Variants in THSD7B observed in about 807,000 individuals in gnomAD.
THSD7B encodes thrombospondin type-1 domain-containing protein 7B.
Under a neutral mutation model 213.6 loss-of-function variants are expected in THSD7B, and 138 were observed. That is an observed-to-expected ratio of 0.65 (90% CI 0.56 to 0.74). The LOEUF (loss-of-function observed/expected upper bound fraction) is 0.74. Ranked by LOEUF, THSD7B falls within the 30% of genes least tolerant of loss-of-function variation. The pLI is 0.00. For synonymous variants in THSD7B, 742 were observed against 687.0 expected (o/e 1.08, Z -1.25); for missense variants, 1,931 against 1,991.5 (o/e 0.97, Z 0.58).
intron 2 of THSD7B, among the ~76,000 whole-genome samples, chr2:137,049,484 G>C (rs1316784467): frequency 6.6e-6 from 1 of 152,106 alleles, no homozygotes; most frequent in Non-Finnish European, 1.5e-5. Flanking sequence ...ATTTCAATAA[G>C]GCACATATGG....
In THSD7B at chr2:136,987,969, T is replaced by C. The variant is rs139739731; in HGVS notation, c.140-68451T>C. ...AAACTGAAGGTCAGGGAAAATCAGC[T>C]GATGAAGTCCAAATGTTTATTTTTA... is the stretch of plus-strand genomic sequence containing the variant. On this transcript the variant is annotated intron_variant, in intron 2 of 27. Coordinates refer to ENST00000409968, the MANE Select transcript of THSD7B (RefSeq NM_001316349.2). Among the ~76,000 whole-genome samples, 74 of 152,352 alleles carry C rather than the reference T, an allele frequency of 4.9e-4. 1 individual carries two copies. The East Asian group carries it at 0.013, about 28-fold the overall frequency.
At chr2:137,311,024 T>A (rs1039780635) in intron 12 of THSD7B, among the ~76,000 whole-genome samples, 5 of 150,726 alleles carry the variant, frequency 3.3e-5, no homozygotes, top group African/African-American at 1.2e-4. Flanking sequence ...TAAAGTATTT[T>A]TTTCCAATTC....
At chr2:137,167,769 T>C (rs1438916972) in intron 6 of THSD7B, among the ~76,000 whole-genome samples, 3 of 152,210 alleles carry the variant, frequency 2.0e-5, no homozygotes, top group Non-Finnish European at 4.4e-5. Context: ...GAATCTGTGG[T>C]CAGGAAATGT....
chr2:137,461,179 A>G (rs1366905672), intron 15 of THSD7B, among the ~76,000 whole-genome samples: 1 of 152,048 alleles, frequency 6.6e-6, no homozygotes, highest in Non-Finnish European at 1.5e-5. Context: ...CCATTCTTGT[A>G]TAAGTCTTTT....
At chr2:136,798,924 C>T (rs1018001630) in intron 1 of THSD7B, among the ~76,000 whole-genome samples, 2 of 152,006 alleles carry the variant, frequency 1.3e-5, no homozygotes, top group Non-Finnish European at 2.9e-5. Flanking sequence ...CTAACTTCCT[C>T]TAGGCCTTGC....
intron 2 of THSD7B, among the ~76,000 whole-genome samples, chr2:136,970,759 T>A (rs1490480262): frequency 6.6e-6 from 1 of 152,136 alleles, no homozygotes; most frequent in East Asian, 1.9e-4. Context: ...ATTTACAGAA[T>A]ACCAGACATA....
intron 15 of THSD7B, among the ~76,000 whole-genome samples, chr2:137,539,397 C>T (rs2105190129): frequency 6.6e-6 from 1 of 151,726 alleles, no homozygotes; most frequent in South Asian, 2.1e-4. Context: ...ACCTATTCTG[C>T]CTTATGCTGT....
chr2:137,275,538 G>GTT (rs1051644970), intron 11 of THSD7B, among the ~76,000 whole-genome samples: 1 of 136,148 alleles, frequency 7.3e-6, no homozygotes, highest in Non-Finnish European at 1.6e-5. Flanking sequence ...TTCTTGTATT[G>GTT]TTTTTTTTTT....
intron 5 of THSD7B, among the ~76,000 whole-genome samples, chr2:137,158,894 C>T (rs1377268966): frequency 6.6e-6 from 1 of 152,090 alleles, no homozygotes; most frequent in Non-Finnish European, 1.5e-5. Flanking sequence ...GACAATAGTA[C>T]AAACTAGTGT....
intron 12 of THSD7B, among the ~76,000 whole-genome samples, chr2:137,315,542 G>A (rs10427283): frequency 0.055 from 8,419 of 151,774 alleles, 313 homozygotes; most frequent in East Asian, 0.1. Context: ...CCCACTATAT[G>A]TATATATAAT....
intron 3 of THSD7B, among the ~76,000 whole-genome samples, chr2:137,089,348 A>G (rs1018737205): frequency 1.4e-5 from 2 of 146,774 alleles, no homozygotes; most frequent in Admixed American, 7.0e-5. Context: ...GTATATATAC[A>G]TATATGTGTG....
intron 5 of THSD7B, among the ~76,000 whole-genome samples, chr2:137,137,257 G>T (rs1476142311): frequency 1.3e-5 from 2 of 151,940 alleles, no homozygotes; most frequent in African/African-American, 4.8e-5. Context: ...GTTTCCTTCC[G>T]CCCCTTCCCA....
chr2:137,518,056 G>A (rs1338698734), intron 15 of THSD7B, among the ~76,000 whole-genome samples: 1 of 152,064 alleles, frequency 6.6e-6, no homozygotes, highest in Non-Finnish European at 1.5e-5. Context: ...AATGGAAGTG[G>A]TTGGGCTCCC....
At chr2:136,825,835 A>C (rs935253595) in intron 1 of THSD7B, among the ~76,000 whole-genome samples, 1 of 151,570 alleles carries the variant, frequency 6.6e-6, no homozygotes, top group Non-Finnish European at 1.5e-5. Context: ...TACAGGTGTG[A>C]GCATTCACGT....
At chr2:137,551,905 G>A (rs1385027474) in intron 15 of THSD7B, among the ~76,000 whole-genome samples, 1 of 152,070 alleles carries the variant, frequency 6.6e-6, no homozygotes, top group Non-Finnish European at 1.5e-5. Flanking sequence ...AGGGGTAACT[G>A]ACCCAGGACC....
chr2:137,551,356 G>A (rs1394348753), intron 15 of THSD7B, among the ~76,000 whole-genome samples: 1 of 152,142 alleles, frequency 6.6e-6, no homozygotes, highest in Non-Finnish European at 1.5e-5. Flanking sequence ...AAGTTCAGCA[G>A]TGCCTTCAAA....
chr2:136,876,363 T>C (rs1458928653), intron 1 of THSD7B, among the ~76,000 whole-genome samples: 1 of 152,220 alleles, frequency 6.6e-6, no homozygotes, highest in Non-Finnish European at 1.5e-5. Context: ...ATATTTAGGT[T>C]TATTTCAACT....
intron 15 of THSD7B, chr2:137,452,186 C>CTCTGT: frequency 4.8e-6 from 1 of 206,324 alleles, no homozygotes; most frequent in Non-Finnish European, 8.5e-6. Flanking sequence ...AGTTATTATG[C>CTCTGT]TAGTCTTGAT....
intron 17 of THSD7B, among the ~76,000 whole-genome samples, chr2:137,592,220 A>T (rs1352115383): frequency 6.6e-6 from 1 of 151,884 alleles, no homozygotes; most frequent in Non-Finnish European, 1.5e-5. Flanking sequence ...TAAACAAAAA[A>T]TTCAATAGTA....
Sources: gnomAD v4.1 joint callset for allele counts (sites outside exome capture counted in the v4.1 genomes callset) on GRCh38, gnomAD v4.1.1 for gene constraint, MANE v1.5 for transcripts, NCBI Gene and HGNC (gene_info 2026-07-23, HGNC 2026-07-21) for gene names.